PEBP4: variants seen among roughly 807,000 people sequenced by gnomAD.
PEBP4 encodes the protein phosphatidylethanolamine-binding protein 4.
Under a neutral mutation model 23.9 loss-of-function variants are expected in PEBP4, and 22 were observed. The ratio of observed to expected loss-of-function variants is 0.92; its 90% CI spans 0.66 to 1.31. The LOEUF (loss-of-function observed/expected upper bound fraction) is 1.31, where lower values mean the gene tolerates loss of function less well. PEBP4 is among the 40% of genes most tolerant of loss of function. The pLI is 0.00. For missense variants in PEBP4, 324 were observed against 281.7 expected, an observed-to-expected ratio of 1.15 and a Z score of -1.07; for synonymous variants, 112 against 99.3, an observed-to-expected ratio of 1.13 and a Z score of -0.76.
chr8:22,832,629 C>T (rs546939150), intron 3 of PEBP4, among the ~76,000 whole-genome samples: 2 of 152,280 alleles, frequency 1.3e-5, no homozygotes, highest in East Asian at 3.9e-4. Context: ...GCGTGTCTGC[C>T]TTTCCCCAAG....
At chr8:22,925,593 G>T (rs1415768300) in intron 2 of PEBP4, among the ~76,000 whole-genome samples, 1 of 152,156 alleles carries the variant, frequency 6.6e-6, no homozygotes. Flanking sequence ...GACTTCCCAC[G>T]TGTGTCCCCA....
At chr8:22,934,431 G>A (rs1452656092) in intron 1 of PEBP4, among the ~76,000 whole-genome samples, 1 of 152,026 alleles carries the variant, frequency 6.6e-6, no homozygotes, top group Non-Finnish European at 1.5e-5. Context: ...ACCACAAAAT[G>A]TATTTATAGA....
intron 4 of PEBP4, among the ~76,000 whole-genome samples, chr8:22,803,719 C>A (rs780624559): frequency 5.5e-4 from 84 of 152,044 alleles, no homozygotes; most frequent in Non-Finnish European, 9.4e-4. Flanking sequence ...GTGAACATGT[C>A]TAAGACAGAG....
intron 4 of PEBP4, among the ~76,000 whole-genome samples, chr8:22,764,386 G>A (rs1237047932): frequency 6.6e-6 from 1 of 152,140 alleles, no homozygotes; most frequent in Non-Finnish European, 1.5e-5. Flanking sequence ...TATTTGATAT[G>A]TGAAGGTGTG....
intron 4 of PEBP4, among the ~76,000 whole-genome samples, chr8:22,765,524 C>T (rs1805592905): frequency 6.6e-6 from 1 of 152,208 alleles, no homozygotes; most frequent in Admixed American, 6.5e-5. Context: ...TGACTGTAAC[C>T]ACCTGGGAGG....
chr8:22,763,157 A>T (rs185220815), intron 4 of PEBP4, among the ~76,000 whole-genome samples: 4 of 152,216 alleles, frequency 2.6e-5, no homozygotes, highest in African/African-American at 4.8e-5. Context: ...GGTGCATGCC[A>T]CCACACCCAG....
At chr8:22,738,155 A>G (rs1196181143) in intron 4 of PEBP4, among the ~76,000 whole-genome samples, 1 of 152,204 alleles carries the variant, frequency 6.6e-6, no homozygotes, top group East Asian at 1.9e-4. Context: ...GTGGCACATC[A>G]TGTTTATTAA....
chr8:22,898,431 A>AAAAAC (rs1563253603), intron 3 of PEBP4, among the ~76,000 whole-genome samples: 53 of 123,774 alleles, frequency 4.3e-4, no homozygotes, highest in African/African-American at 1.0e-3. Context: ...AAAAAAAAAA[A>AAAAAC]CCCACCCAGT....
intron 4 of PEBP4, among the ~76,000 whole-genome samples, chr8:22,756,794 G>A (rs1026848457): frequency 4.6e-5 from 7 of 152,096 alleles, no homozygotes; most frequent in Admixed American, 1.3e-4. Flanking sequence ...TTCGGAAATC[G>A]TGGTGGCCAA....
intron 4 of PEBP4, among the ~76,000 whole-genome samples, chr8:22,743,969 G>A (rs1022809126): frequency 2.0e-5 from 3 of 152,320 alleles, no homozygotes; most frequent in Admixed American, 6.5e-5. Context: ...TTGGCTTCTC[G>A]GAGCTTGGTG....
intron 4 of PEBP4, among the ~76,000 whole-genome samples, chr8:22,756,311 T>G (rs542031798): frequency 1.3e-5 from 2 of 152,332 alleles, no homozygotes; most frequent in African/African-American, 4.8e-5. Context: ...TCCCAGGATG[T>G]GACCCTCCCT....
chr8:22,894,106 T>G (rs1808548747), intron 3 of PEBP4, among the ~76,000 whole-genome samples: 1 of 152,128 alleles, frequency 6.6e-6, no homozygotes, highest in East Asian at 1.9e-4. Context: ...AAAATAATCT[T>G]GATTATCAAG....
At chr8:22,873,576 G>A (rs1487981831) in intron 3 of PEBP4, among the ~76,000 whole-genome samples, 1 of 152,194 alleles carries the variant, frequency 6.6e-6, no homozygotes, top group Non-Finnish European at 1.5e-5. Context: ...AGGCTGCAGT[G>A]AGCCGTGATT....
At chr8:22,939,573 A>C (rs1374220219) in intron 1 of PEBP4, among the ~76,000 whole-genome samples, 1 of 151,934 alleles carries the variant, frequency 6.6e-6, no homozygotes, top group Non-Finnish European at 1.5e-5. Context: ...AATGGGAGGA[A>C]GGAATGAGGA....
intron 6 of PEBP4, among the ~76,000 whole-genome samples, chr8:22,717,158 C>A (rs1052103951): frequency 1.3e-5 from 2 of 152,184 alleles, no homozygotes; most frequent in Non-Finnish European, 2.9e-5. Context: ...CCTCAGCCTC[C>A]TGAGTAGCTG....
chr8:22,778,650 G>C (rs1035634108), intron 4 of PEBP4, among the ~76,000 whole-genome samples: 4 of 152,148 alleles, frequency 2.6e-5, no homozygotes, highest in African/African-American at 4.8e-5. Flanking sequence ...GAGCGGGCCT[G>C]GGGCCACCCT....
At chr8:22,869,371 G>C (rs1033381382) in intron 3 of PEBP4, among the ~76,000 whole-genome samples, 9 of 152,204 alleles carry the variant, frequency 5.9e-5, no homozygotes, top group African/African-American at 1.9e-4. Context: ...CTACCAGAAA[G>C]TGAGCTCCAC....
At position 22,865,956 on chromosome 8, in the gene PEBP4, C is replaced by T. The variant is rs1807892964; in HGVS notation, c.259-48221G>A. ...GTGGCCCGGCGCCGGGCGGTGCTGC[C>T]CGGAGAGCGCGCAGCCCCCAGCCGG... On this transcript the variant is annotated intron_variant, in intron 3 of 6. Coordinates refer to ENST00000256404, the MANE Select transcript of PEBP4 (RefSeq NM_144962.3). This position sits in a 1 kb window ranked among gnomAD's most constrained non-coding sequence, Gnocchi z 6.9. Among the ~76,000 whole-genome samples, 2 of 152,000 alleles carry T rather than the reference C, an allele frequency of 1.3e-5. No individual in the cohort carries two copies. The highest frequency in any genetic ancestry group is 4.2e-4 in the South Asian group (2 of 4,812).
Position 22,920,276 on chromosome 8 carries a change from T to C in PEBP4, c.166A>G (p.Ile56Val), listed in dbSNP as rs201637080. Reference sequence around the variant, plus strand: ...CAATCAGGAACAACCTTGCAGCCAATGTTCCCCAACTCTGGGTAGAAAACT... The same window carrying C: ...CAATCAGGAACAACCTTGCAGCCAACGTTCCCCAACTCTGGGTAGAAAACT... The part of the protein sequence containing the change: ...LEVFYPELGN[I>V]GCKVVPDCNN... Residue 56 changes from isoleucine (I) to valine (V), a missense_variant, in exon 3 of 7, where the codon ATT (isoleucine) becomes GTT (valine). Physicochemically the swap from Ile to Val is conservative, Grantham distance 29 (BLOSUM62 3). Transcript: ENST00000256404. 3.1e-5 allele frequency: 50 copies of C among 1,613,692 alleles called. No individual in the cohort carries two copies. In the East Asian group the frequency reaches 6.9e-4, roughly 22 times the overall value.
Sources: allele counts gnomAD v4.1 joint callset (sites outside exome capture counted in the v4.1 genomes callset), GRCh38; gene constraint gnomAD v4.1.1; non-coding constraint Gnocchi (gnomAD v3.1); transcripts MANE v1.5; gene names NCBI Gene and HGNC (gene_info 2026-07-23, HGNC 2026-07-21).